The following FOXK1 variants were observed in gnomAD, a reference collection of about 807,000 sequenced individuals.
The protein encoded by FOXK1 is forkhead box protein K1.
Under a neutral mutation model 51.9 loss-of-function variants are expected in FOXK1, and 19 were observed. The ratio of observed to expected loss-of-function variants is 0.37; its 90% CI spans 0.26 to 0.54. The LOEUF is 0.54. Among genes scored for constraint, FOXK1 ranks in the 20% least tolerant of loss-of-function variants. The pLI is 0.87. For missense variants in FOXK1, 870 were observed against 1,032.7 expected, an observed-to-expected ratio of 0.84 and a Z score of 2.16; for synonymous variants, 537 against 482.6, an observed-to-expected ratio of 1.11 and a Z score of -1.48.
rs904243797 is a variant in FOXK1 at position 4,683,468 on chromosome 7, G to C, written c.560+600G>C. 1.3e-5 allele frequency among the ~76,000 whole-genome samples: 2 copies of C among 151,826 alleles called. No individual in the cohort carries two copies. The highest frequency in any genetic ancestry group is 4.8e-5 in the African/African-American group (2 of 41,322). On this transcript the variant is annotated intron_variant, in intron 1 of 8. Coordinates refer to ENST00000328914, the MANE Select transcript of FOXK1 (RefSeq NM_001037165.2). This position sits in a 1 kb window ranked among gnomAD's most constrained non-coding sequence, Gnocchi z 4.5. ...CTGACCGCTAACCCCACAAGCCTGG[G>C]CTCGCAGGGCCACTCCCACCCCAGC...
chr7:4,721,065 C>T (rs4623321), intron 1 of FOXK1, among the ~76,000 whole-genome samples: 65,885 of 151,952 alleles, frequency 0.43, 14,596 homozygotes, highest in East Asian at 0.71. Flanking sequence ...TTTCTCTGCA[C>T]GGGCCCTCCG....
At chr7:4,744,444 C>A (rs962364318) in intron 2 of FOXK1, among the ~76,000 whole-genome samples, 1 of 152,180 alleles carries the variant, frequency 6.6e-6, no homozygotes, top group African/African-American at 2.4e-5. Context: ...CTCATTGTTT[C>A]GATCTTCCTG....
chr7:4,759,477 G>A lies in FOXK1; in HGVS notation c.1578G>A (p.Arg526=). Residue 526 remains arginine (R), a synonymous_variant, in exon 7 of 9, where the codon AGG becomes AGA. Coordinates refer to ENST00000328914, the MANE Select transcript of FOXK1 (RefSeq NM_001037165.2). ...VQQAPTVTMV[R]VVTTSANSAN... ...AGGCCCCCACCGTCACCATGGTCAGGGTGGTCACCACATCTGCCAACTCGG... is the reference window on the plus strand; with the variant it reads ...AGGCCCCCACCGTCACCATGGTCAGAGTGGTCACCACATCTGCCAACTCGG... 1 of 1,586,902 alleles carries A rather than the reference G, an allele frequency of 6.3e-7. No individual in the cohort carries two copies. Among genetic ancestry groups the A allele is most frequent in the South Asian group, 1.1e-5 (1 of 88,272 alleles).
In FOXK1 at chr7:4,756,968, G is replaced by T. The variant is rs571571261; in HGVS notation, c.1051-26G>T. ...ACTCATTTTCTGATTTGCTGGTGATGGGTGAATATCTCTGCTTCCCTGCAG... is the reference window on the plus strand; with the variant it reads ...ACTCATTTTCTGATTTGCTGGTGATTGGTGAATATCTCTGCTTCCCTGCAG... On this transcript the variant is annotated intron_variant, in intron 4 of 8. Transcript: ENST00000328914. This position sits in a 1 kb window ranked among gnomAD's most constrained non-coding sequence, Gnocchi z 4.1. The T allele has an allele frequency of 6.2e-7, 1 of 1,607,674 alleles. No individual in the cohort carries two copies. The highest frequency in any genetic ancestry group is 1.1e-5 in the South Asian group (1 of 90,646).
At chr7:4,740,760 G>GA in intron 1 of FOXK1, 78 bp from the exon 2 acceptor site, 1 of 1,442,336 alleles carries the variant, frequency 6.9e-7, no homozygotes, top group Non-Finnish European at 9.4e-7. Flanking sequence ...TAGACACACA[G>GA]ACACGCACCT....
intron 1 of FOXK1, among the ~76,000 whole-genome samples, chr7:4,699,674 G>C (rs1341405290): frequency 6.6e-6 from 1 of 152,016 alleles, no homozygotes; most frequent in East Asian, 1.9e-4. Flanking sequence ...GGCCTCACAG[G>C]GTTAGTTTTG....
Position 4,762,571 on chromosome 7 carries a change from G to C in FOXK1, c.*107G>C. 1.7e-6 allele frequency: 2 copies of C among 1,169,856 alleles called. No homozygotes were observed. The highest frequency in any genetic ancestry group is 2.3e-6 in the Non-Finnish European group (2 of 851,948). 72.5% of individuals were successfully genotyped at this position (1,169,856 alleles called of 1,614,324 possible). On this transcript the variant is annotated 3_prime_UTR_variant, in exon 9 of 9. Coordinates refer to ENST00000328914, the MANE Select transcript of FOXK1 (RefSeq NM_001037165.2). This position sits in a 1 kb window ranked among gnomAD's most constrained non-coding sequence, Gnocchi z 5.7. ...CAGACGGAGGAGAACAGCCCGCGGC[G>C]GCCTGTGGGCATCGGCGGCACCTGG...
chr7:4,757,985 G>A (rs956384357), intron 5 of FOXK1: 1 of 152,216 alleles, frequency 6.6e-6, no homozygotes, highest in Non-Finnish European at 1.5e-5. Flanking sequence ...GCCACTGACT[G>A]TTGTATTAAA....
In FOXK1 at chr7:4,748,971, G is replaced by A. The variant is rs979326252; in HGVS notation, c.747-5488G>A. 4.6e-5 allele frequency among the ~76,000 whole-genome samples: 7 copies of A among 152,130 alleles called. No homozygotes were observed. Among genetic ancestry groups the A allele is most frequent in the South Asian group, 4.1e-4 (2 of 4,830 alleles). ...TGGGATTACAGGTGTGAGCCACCTC[G>A]CCTGGACCCCCAGGTTCCTGTCCAC... On this transcript the variant is annotated intron_variant, in intron 2 of 8. Transcript: ENST00000328914. The surrounding 1 kb of genome is among the most constrained non-coding windows in gnomAD (Gnocchi z 4.9).
chr7:4,727,856 C>G (rs931266776), intron 1 of FOXK1, among the ~76,000 whole-genome samples: 2 of 152,238 alleles, frequency 1.3e-5, no homozygotes, highest in African/African-American at 4.8e-5. Context: ...CTGAACCTCT[C>G]CTGGGACTGT....
At chr7:4,708,174 A>G (rs1011137400) in intron 1 of FOXK1, among the ~76,000 whole-genome samples, 1 of 152,074 alleles carries the variant, frequency 6.6e-6, no homozygotes, top group African/African-American at 2.4e-5. Context: ...CTTCCACCAA[A>G]TAAAGGCTTT....
chr7:4,706,014 G>A (rs1016642022), intron 1 of FOXK1, among the ~76,000 whole-genome samples: 32 of 92,876 alleles, frequency 3.4e-4, no homozygotes, highest in South Asian at 1.0e-3. Context: ...GTATATATAC[G>A]TATATATACG....
At position 4,723,888 on chromosome 7, in the gene FOXK1, C is replaced by T. The variant is rs764117652; in HGVS notation, c.561-16950C>T. Among the ~76,000 whole-genome samples, 10 of 152,180 alleles carry T rather than the reference C, an allele frequency of 6.6e-5. No individual in the cohort carries two copies. The highest frequency in any genetic ancestry group is 1.5e-4 in the Non-Finnish European group (10 of 68,026). On this transcript the variant is annotated intron_variant, in intron 1 of 8. Transcript: ENST00000328914. This position sits in a 1 kb window ranked among gnomAD's most constrained non-coding sequence, Gnocchi z 4.7. ...ATCTCACTATGTTGCCCAGGCCGGT[C>T]TCGACCTCCTAGGCTCAAGCGATCC...
intron 1 of FOXK1, among the ~76,000 whole-genome samples, chr7:4,685,654 A>G (rs1396613490): frequency 1.3e-5 from 2 of 151,498 alleles, no homozygotes; most frequent in Admixed American, 6.6e-5. Flanking sequence ...TTAGGTAAAG[A>G]TTCTTAAGCC....
rs1481892329 is a variant in FOXK1 at position 4,755,184 on chromosome 7, G to C, written c.904-53G>C. 6.3e-7 allele frequency: 1 copy of C among 1,594,840 alleles called. No homozygotes were observed. The highest frequency in any genetic ancestry group is 8.6e-7 in the Non-Finnish European group (1 of 1,167,290). ...CCATCAGCTGTGACGGGTGGGTGGGGTAGACTCAGGGACCTTGCTGGAGCT... is the reference window on the plus strand; with the variant it reads ...CCATCAGCTGTGACGGGTGGGTGGGCTAGACTCAGGGACCTTGCTGGAGCT... On this transcript the variant is annotated intron_variant, in intron 3 of 8. Transcript: ENST00000328914. This position sits in a 1 kb window ranked among gnomAD's most constrained non-coding sequence, Gnocchi z 6.6.
At position 4,715,539 on chromosome 7, in the gene FOXK1, C is replaced by G. The variant is rs1230942897; in HGVS notation, c.561-25299C>G. 6.6e-6 allele frequency among the ~76,000 whole-genome samples: 1 copy of G among 152,196 alleles called. No homozygotes were observed. The highest frequency in any genetic ancestry group is 2.4e-5 in the African/African-American group (1 of 41,444). ...GAGAAGCTCTTCATCTATCAGCAGT[C>G]AGCTTTCCACTTAAGCAGAGCCAAG... On this transcript the variant is annotated intron_variant, in intron 1 of 8. Coordinates refer to ENST00000328914, the MANE Select transcript of FOXK1 (RefSeq NM_001037165.2). This position sits in a 1 kb window ranked among gnomAD's most constrained non-coding sequence, Gnocchi z 4.5.
intron 1 of FOXK1, among the ~76,000 whole-genome samples, chr7:4,695,659 A>T (rs1176757893): frequency 6.6e-6 from 1 of 151,706 alleles, no homozygotes; most frequent in East Asian, 1.9e-4. Context: ...AAAATTAGCC[A>T]GGCGTGGTGG....
At chr7:4,714,963 CTTG>C (rs1780216425) in intron 1 of FOXK1, among the ~76,000 whole-genome samples, 1 of 152,146 alleles carries the variant, frequency 6.6e-6, no homozygotes, top group Non-Finnish European at 1.5e-5. Flanking sequence ...CAGGGAGTGT[CTTG>C]TTGTAACGTG....
chr7:4,682,352 C>A lies in FOXK1; in HGVS notation c.44C>A (p.Ala15Glu). 1 of 994,078 alleles carries A rather than the reference C, an allele frequency of 1.0e-6. No individual in the cohort carries two copies. Among genetic ancestry groups the A allele is most frequent in the South Asian group, 4.2e-5 (1 of 23,766 alleles). 61.6% of individuals were successfully genotyped at this position (994,078 alleles called of 1,614,324 possible). A position where few individuals can be genotyped will look rare whatever the true frequency, so the allele number is the denominator to read the frequency against. The stretch of plus-strand genomic sequence containing the variant: ...GACAGCGGCGCCCGCGCCCTGCTCG[C>A]GCTGCGCTCGGCGCCCTGCAGCCCA... ...GEDSGARALL[A>E]LRSAPCSPVL... The change falls in exon 1 of 9, where the codon GCG becomes GAG. Residue 15 changes from alanine (A) to glutamate (E), a missense_variant. By Grantham distance (107) the Ala-to-Glu change is moderately radical (BLOSUM62 -1). Around this residue, in one of 3 missense-constraint regions of FOXK1, gnomAD observed 399 missense variants for 475.6 expected, o/e 0.84. Transcript: ENST00000328914. The surrounding 1 kb of genome is among the most constrained non-coding windows in gnomAD (Gnocchi z 7.6).
Sources: gnomAD v4.1 joint callset for allele counts (sites outside exome capture counted in the v4.1 genomes callset) on GRCh38, gnomAD v4.1.1 for gene constraint, gnomAD v4.1.1 regional missense constraint, Gnocchi (gnomAD v3.1) non-coding constraint, MANE v1.5 for transcripts, NCBI Gene and HGNC (gene_info 2026-07-23, HGNC 2026-07-21) for gene names.